The following RALGPS2 variants were observed in gnomAD, a reference collection of about 807,000 sequenced individuals.
The protein encoded by RALGPS2 is Ral GEF with PH domain and SH3 binding motif 2.
In RALGPS2, 43 loss-of-function variants were observed where a neutral mutation model predicts 86.8. That is an observed-to-expected ratio of 0.50 (90% CI 0.39 to 0.64). RALGPS2 has a LOEUF of 0.64. RALGPS2 is among the 30% of genes least tolerant of loss of function. RALGPS2 has a pLI of 0.00. For synonymous variants in RALGPS2, 243 were observed against 231.3 expected (o/e 1.05, Z -0.46); for missense variants, 536 against 694.6 (o/e 0.77, Z 2.57).
At chr1:178,908,881 T>C (rs1427593319) in intron 19 of RALGPS2, among the ~76,000 whole-genome samples, 2 of 152,246 alleles carry the variant, frequency 1.3e-5, no homozygotes, top group Non-Finnish European at 2.9e-5. Flanking sequence ...TGCTGATAGT[T>C]TCTTTTGCTC....
At chr1:178,728,945 G>C (rs1343518788) in intron 1 of RALGPS2, among the ~76,000 whole-genome samples, 1 of 152,180 alleles carries the variant, frequency 6.6e-6, no homozygotes, top group Non-Finnish European at 1.5e-5. Context: ...GCTAGTTAGG[G>C]ATATGGGAAG....
intron 1 of RALGPS2, among the ~76,000 whole-genome samples, chr1:178,761,622 G>A (rs777666507): frequency 7.9e-5 from 12 of 151,736 alleles, no homozygotes; most frequent in Non-Finnish European, 1.6e-4. Flanking sequence ...GTGTAATGGT[G>A]TAATCTCGGC....
At chr1:178,789,063 C>T (rs535332060) in intron 4 of RALGPS2, among the ~76,000 whole-genome samples, 5 of 152,066 alleles carry the variant, frequency 3.3e-5, no homozygotes, top group East Asian at 1.9e-4. Flanking sequence ...CATGCCACCA[C>T]GCCTCGCTAA....
intron 7 of RALGPS2, among the ~76,000 whole-genome samples, chr1:178,826,354 A>G (rs907574864): frequency 5.9e-5 from 9 of 152,232 alleles, no homozygotes; most frequent in Admixed American, 5.2e-4. Flanking sequence ...ATACAGTGGA[A>G]TATTCATCTC....
intron 1 of RALGPS2, among the ~76,000 whole-genome samples, chr1:178,776,110 C>G (rs1653070479): frequency 6.6e-6 from 1 of 151,980 alleles, no homozygotes; most frequent in Admixed American, 6.6e-5. Flanking sequence ...AAATACTGCA[C>G]CATTATATAA....
intron 8 of RALGPS2, among the ~76,000 whole-genome samples, chr1:178,851,681 A>G (rs537580555): frequency 4.3e-4 from 66 of 152,310 alleles, no homozygotes; most frequent in Non-Finnish European, 4.4e-5. Flanking sequence ...TTGAATTGTC[A>G]AAATAAAATA....
chr1:178,827,924 A>C (rs1655830016), intron 7 of RALGPS2, among the ~76,000 whole-genome samples: 1 of 152,210 alleles, frequency 6.6e-6, no homozygotes. Context: ...CAAAAGAATG[A>C]AACTGGACCC....
chr1:178,806,658 C>G (rs543246775), intron 4 of RALGPS2, among the ~76,000 whole-genome samples: 10 of 151,656 alleles, frequency 6.6e-5, no homozygotes, highest in Non-Finnish European at 1.5e-4. Context: ...TTTATATATC[C>G]TCCTGTTTTT....
intron 8 of RALGPS2, among the ~76,000 whole-genome samples, chr1:178,856,234 T>TATATATATATATATATACACAC (rs1368301659): frequency 7.8e-6 from 1 of 128,774 alleles, no homozygotes; most frequent in African/African-American, 3.2e-5. Context: ...TATATATATA[T>TATATATATATATATATACACAC]GGTTTTGGGT....
chr1:178,859,934 G>C (rs997795217), intron 8 of RALGPS2, among the ~76,000 whole-genome samples: 3 of 151,054 alleles, frequency 2.0e-5, no homozygotes, highest in African/African-American at 7.3e-5. Context: ...AGCCAGGATG[G>C]TCTCGATCTC....
chr1:178,860,770 T>G (rs1294122145), intron 8 of RALGPS2, among the ~76,000 whole-genome samples: 1 of 152,162 alleles, frequency 6.6e-6, no homozygotes, highest in Non-Finnish European at 1.5e-5. Context: ...ATGTGGAGAC[T>G]TTAGAATGAC....
intron 1 of RALGPS2, chr1:178,747,242 G>C: frequency 6.7e-7 from 1 of 1,484,256 alleles, no homozygotes; most frequent in Non-Finnish European, 9.4e-7. Context: ...CAAGGAGCCA[G>C]ATTCTCTCAC....
chr1:178,782,178 G>A (rs537346306), intron 2 of RALGPS2, among the ~76,000 whole-genome samples: 1 of 152,154 alleles, frequency 6.6e-6, no homozygotes, highest in Non-Finnish European at 1.5e-5. Context: ...GTGGAGCCAC[G>A]TAAACCCTAA....
chr1:178,844,020 T>C (rs1656745277), intron 8 of RALGPS2, among the ~76,000 whole-genome samples: 1 of 152,198 alleles, frequency 6.6e-6, no homozygotes, highest in African/African-American at 2.4e-5. Context: ...AATCCTTTTC[T>C]ATTCATGTGA....
intron 1 of RALGPS2, among the ~76,000 whole-genome samples, chr1:178,733,821 G>A (rs369930662): frequency 6.6e-6 from 1 of 152,138 alleles, no homozygotes; most frequent in South Asian, 2.1e-4. Context: ...GGATTCTTAC[G>A]TATGACACAA....
At position 178,832,040 on chromosome 1, in the gene RALGPS2, G is replaced by T. The variant is rs185526949; in HGVS notation, c.481-1384G>T. On this transcript the variant is annotated intron_variant, in intron 7 of 19. Coordinates refer to ENST00000367635, the MANE Select transcript of RALGPS2 (RefSeq NM_152663.5). ...TGACTTAGGGGAAAATAAAGAGCAGGTTTATCATTATCCCTATGTCACATA... is the reference window on the plus strand; with the variant it reads ...TGACTTAGGGGAAAATAAAGAGCAGTTTTATCATTATCCCTATGTCACATA... Among the ~76,000 whole-genome samples, 560 of 152,242 alleles carry T rather than the reference G, an allele frequency of 3.7e-3. 3 individuals are homozygous for T. Among genetic ancestry groups the T allele is most frequent in the Middle Eastern group, 0.034 (10 of 294 alleles).
At chr1:178,849,991 A>G (rs1462077363) in intron 8 of RALGPS2, 1 of 152,676 alleles carries the variant, frequency 6.5e-6, no homozygotes, top group African/African-American at 2.4e-5. Context: ...TGTTCCAGAA[A>G]GTCACTAGTA....
At chr1:178,898,962 C>G (rs1444070530) in intron 17 of RALGPS2, among the ~76,000 whole-genome samples, 4 of 151,914 alleles carry the variant, frequency 2.6e-5, no homozygotes, top group African/African-American at 9.7e-5. Flanking sequence ...TGGATTCATT[C>G]AGTTCAATTA....
chr1:178,777,252 A>C (rs1440740551), intron 2 of RALGPS2, among the ~76,000 whole-genome samples: 1 of 151,992 alleles, frequency 6.6e-6, no homozygotes. Context: ...CCAATAACAG[A>C]CAAACAGACA....
Sources: gnomAD v4.1 joint callset for allele counts (sites outside exome capture counted in the v4.1 genomes callset) on GRCh38, gnomAD v4.1.1 for gene constraint, MANE v1.5 for transcripts, NCBI Gene and HGNC (gene_info 2026-07-23, HGNC 2026-07-21) for gene names.